Variants in ULK4 observed in about 807,000 individuals in gnomAD.
The protein encoded by ULK4 is unc-51 like kinase 4, also known as inactive serine/threonine-protein kinase ULK4.
In ULK4, 133 loss-of-function variants were observed where a neutral mutation model predicts 160.6. That is an observed-to-expected ratio of 0.83 (90% CI 0.72 to 0.96). The LOEUF (loss-of-function observed/expected upper bound fraction) is 0.96. Among genes scored for constraint, ULK4 ranks in the 40% least tolerant of loss-of-function variants. ULK4 has a pLI of 0.00. For missense variants in ULK4, 1,580 were observed against 1,499.5 expected (o/e 1.05, Z -0.89); for synonymous variants, 534 against 539.8 (o/e 0.99, Z 0.15).
chr3:41,714,352 AC>A (rs2037194144), intron 25 of ULK4, among the ~76,000 whole-genome samples: 1 of 152,174 alleles, frequency 6.6e-6, no homozygotes. Flanking sequence ...CCATATCCTC[AC>A]TTGTTGTGGC....
rs1046358277 is a variant in ULK4 at position 41,932,774 on chromosome 3, T to C, written c.379-768A>G. Among the ~76,000 whole-genome samples the C allele has an allele frequency of 1.1e-4, 17 of 152,326 alleles. No homozygotes were observed. In the East Asian group the frequency reaches 3.3e-3, roughly 29 times the overall value. ...CAAGGCTATGTAGGGTCAAGTGCAG[T>C]GCCTCACACCTGTAATCCCAGCACT... On this transcript the variant is annotated intron_variant, in intron 4 of 36. Coordinates refer to ENST00000301831, the MANE Select transcript of ULK4 (RefSeq NM_017886.4).
At chr3:41,553,787 G>T (rs1021480376) in intron 32 of ULK4, among the ~76,000 whole-genome samples, 1 of 54,316 alleles carries the variant, frequency 1.8e-5, no homozygotes, top group East Asian at 5.3e-4. Flanking sequence ...GAGTAAATGG[G>T]GCATCCATCC....
chr3:41,917,754 G>T (rs372912963), intron 7 of ULK4, among the ~76,000 whole-genome samples: 1 of 152,086 alleles, frequency 6.6e-6, no homozygotes. Context: ...GGCTGAGGTG[G>T]GTGGATCATG....
chr3:41,482,803 T>TA (rs1349308704), intron 32 of ULK4, among the ~76,000 whole-genome samples: 1 of 152,214 alleles, frequency 6.6e-6, no homozygotes, highest in African/African-American at 2.4e-5. Context: ...ATTCCTTTTT[T>TA]AAAAAAATTC....
intron 1 of ULK4, among the ~76,000 whole-genome samples, chr3:41,959,207 T>C (rs1700585255): frequency 6.6e-6 from 1 of 151,772 alleles, no homozygotes; most frequent in African/African-American, 2.4e-5. Flanking sequence ...CTACTAAAAA[T>C]ACAAAAAATT....
chr3:41,746,239 T>G (rs1186838985), intron 22 of ULK4, among the ~76,000 whole-genome samples: 1 of 119,936 alleles, frequency 8.3e-6, no homozygotes, highest in Admixed American at 9.9e-5. Flanking sequence ...ACAGATGACA[T>G]GATTGGCTAT....
intron 35 of ULK4, among the ~76,000 whole-genome samples, chr3:41,296,098 A>G (rs1391483519): frequency 6.6e-6 from 1 of 152,230 alleles, no homozygotes; most frequent in Non-Finnish European, 1.5e-5. Context: ...TCAAGCCATG[A>G]AAAGTGTATA....
intron 35 of ULK4, 76 bp from the exon 36 acceptor site, chr3:41,249,650 AGT>A (rs911446775): frequency 6.9e-7 from 1 of 1,459,386 alleles, no homozygotes; most frequent in African/African-American, 1.4e-5. Context: ...GGGCACCCTG[AGT>A]ATCAGGCCTG....
Position 41,565,821 on chromosome 3 carries a change from G to A in ULK4, c.3226+204C>T, listed in dbSNP as rs561368274. Among the ~76,000 whole-genome samples the A allele has an allele frequency of 1.3e-4, 20 of 152,262 alleles. No individual in the cohort carries two copies. The South Asian group carries it at 1.7e-3, about 13-fold the overall frequency. On this transcript the variant is annotated intron_variant, in intron 32 of 36. Transcript: ENST00000301831. ...TCTTGGTTTGTCATCTTTAAGCAGT[G>A]ACTATTGACTTTATGCCATTAAGAG...
intron 32 of ULK4, among the ~76,000 whole-genome samples, chr3:41,559,221 G>T (rs1367702941): frequency 7.1e-6 from 1 of 140,364 alleles, no homozygotes; most frequent in African/African-American, 2.5e-5. Context: ...CTTTTTTATG[G>T]CTGCATAGTA....
At chr3:41,935,603 C>T (rs371532764) in intron 4 of ULK4, among the ~76,000 whole-genome samples, 198 bp downstream of exon 4, 7 of 151,834 alleles carry the variant, frequency 4.6e-5, no homozygotes, top group East Asian at 1.9e-4. Context: ...TCAAGTGATC[C>T]GCCCGCCTCA....
chr3:41,770,797 G>C (rs1203054135), intron 21 of ULK4, among the ~76,000 whole-genome samples: 2 of 152,190 alleles, frequency 1.3e-5, no homozygotes, highest in African/African-American at 4.8e-5. Flanking sequence ...ACAGGCATGA[G>C]CCAAGATGCC....
intron 17 of ULK4, among the ~76,000 whole-genome samples, chr3:41,877,119 T>G (rs1309824126): frequency 6.6e-6 from 1 of 152,182 alleles, no homozygotes; most frequent in African/African-American, 2.4e-5. Flanking sequence ...TATATCATAT[T>G]GGTGACAAAA....
chr3:41,821,701 A>C (rs41331847), intron 18 of ULK4, among the ~76,000 whole-genome samples: 10,658 of 151,996 alleles, frequency 0.07, 1,168 homozygotes, highest in African/African-American at 0.24. Flanking sequence ...CATTTTGAAA[A>C]CAAGACCCTC....
Position 41,808,377 on chromosome 3 carries a change from A to G in ULK4, c.1849-8084T>C, listed in dbSNP as rs1021024697. ...AACTATTTTAGCAGCTGGGTTGGAAAGGGGCCATGTGTCATCCCAGTGCTC... is the reference window on the plus strand; with the variant it reads ...AACTATTTTAGCAGCTGGGTTGGAAGGGGGCCATGTGTCATCCCAGTGCTC... On this transcript the variant is annotated intron_variant, in intron 19 of 36. Transcript: ENST00000301831. Among the ~76,000 whole-genome samples the G allele has an allele frequency of 3.9e-5, 6 of 152,194 alleles. No homozygotes were observed. In the South Asian group the frequency reaches 1.2e-3, roughly 31 times the overall value.
chr3:41,321,804 T>A lies in ULK4; in HGVS notation c.3679-72230A>T, dbSNP rs1322790795. On this transcript the variant is annotated intron_variant, in intron 35 of 36. Transcript: ENST00000301831. ...CAAGTGAGCATGCGTACCACTTTAG[T>A]AAACACTCTGTGCCTGCGGCCCCTC... is the stretch of plus-strand genomic sequence containing the variant. 3.5e-5 allele frequency among the ~76,000 whole-genome samples: 5 copies of A among 144,108 alleles called. 2 individuals are homozygous for A. The highest frequency in any genetic ancestry group is 1.4e-4 in the African/African-American group (5 of 36,872). The allele number at this position is 144,108 out of a possible 152,430, so 94.5% of individuals were successfully genotyped here.
At chr3:41,493,261 A>G (rs1346904719) in intron 32 of ULK4, among the ~76,000 whole-genome samples, 1 of 146,976 alleles carries the variant, frequency 6.8e-6, no homozygotes, top group Admixed American at 6.9e-5. Flanking sequence ...ACTAGAACTC[A>G]GGATTAAGAA....
chr3:41,410,235 T>A (rs577884192), intron 34 of ULK4, among the ~76,000 whole-genome samples: 5 of 152,206 alleles, frequency 3.3e-5, no homozygotes, highest in African/African-American at 1.2e-4. Flanking sequence ...CAAATGTTCA[T>A]AGCAATGTTA....
chr3:41,832,655 G>C (rs143486447), intron 18 of ULK4, among the ~76,000 whole-genome samples: 146 of 152,280 alleles, frequency 9.6e-4, no homozygotes, highest in African/African-American at 3.2e-3. Flanking sequence ...TTTTCTTCTA[G>C]GGTTTTTATG....
Sources: gnomAD v4.1 joint callset for allele counts (sites outside exome capture counted in the v4.1 genomes callset) on GRCh38, gnomAD v4.1.1 for gene constraint, MANE v1.5 for transcripts, NCBI Gene and HGNC (gene_info 2026-07-23, HGNC 2026-07-21) for gene names.